The following GRIP1 variants were observed in gnomAD, a reference collection of about 807,000 sequenced individuals.
The protein encoded by GRIP1 is glutamate receptor-interacting protein 1.
A neutral mutation model predicts 129.9 loss-of-function variants in GRIP1; 45 were observed. That is an observed-to-expected ratio of 0.35 (90% confidence interval 0.27 to 0.44). The LOEUF (loss-of-function observed/expected upper bound fraction) is 0.44, where lower values mean the gene tolerates loss of function less well. GRIP1 is among the 20% of genes least tolerant of loss of function. GRIP1 has a pLI of 1.00. For synonymous variants in GRIP1, 530 were observed against 520.8 expected (o/e 1.02, Z -0.24); for missense variants, 1,196 against 1,396.8 (o/e 0.86, Z 2.29).
rs1050440074 is a variant in GRIP1, at chr12:66,761,043, C to T, written c.-420+43010G>A. Reference sequence around the variant, plus strand: ...TTACTAGTCCATGCCTCTCAACTGACTTCGCAAAATGGTCTCTGCTTTCTT... The same window carrying T: ...TTACTAGTCCATGCCTCTCAACTGATTTCGCAAAATGGTCTCTGCTTTCTT... On this transcript the variant is annotated intron_variant, in intron 1 of 4. Coordinates refer to the GRIP1 transcript ENST00000538373. Among the ~76,000 whole-genome samples, 68 of 152,056 alleles carry T rather than the reference C, an allele frequency of 4.5e-4. 2 individuals are homozygous for T. Among genetic ancestry groups the T allele is most frequent in the Non-Finnish European group, 1.5e-4 (10 of 68,030 alleles).
chr12:66,998,506 A>G (rs1192693973), intron 1 of GRIP1, among the ~76,000 whole-genome samples: 1 of 152,136 alleles, frequency 6.6e-6, no homozygotes, highest in Non-Finnish European at 1.5e-5. Flanking sequence ...ACAAATGGGC[A>G]CTAAGAATTG....
At chr12:66,523,720 A>G (rs1282217671) in intron 5 of GRIP1, among the ~76,000 whole-genome samples, 1 of 152,216 alleles carries the variant, frequency 6.6e-6, no homozygotes, top group Admixed American at 6.5e-5. Flanking sequence ...TCCAATTAGA[A>G]GACACAGACT....
intron 1 of GRIP1, among the ~76,000 whole-genome samples, chr12:66,961,232 C>T (rs1450156851): frequency 6.6e-6 from 1 of 151,580 alleles, no homozygotes; most frequent in Non-Finnish European, 1.5e-5. Context: ...GAGGAGCAAA[C>T]AAAACAGGGA....
intron 1 of GRIP1, among the ~76,000 whole-genome samples, chr12:66,720,774 G>T (rs544144495): frequency 6.6e-6 from 1 of 152,100 alleles, no homozygotes; most frequent in East Asian, 1.9e-4. Context: ...TAATTCTCTT[G>T]TTATTTCCAC....
intron 1 of GRIP1, among the ~76,000 whole-genome samples, chr12:67,000,650 G>C (rs538831747): frequency 1.3e-5 from 2 of 152,146 alleles, no homozygotes; most frequent in Non-Finnish European, 2.9e-5. Context: ...AGTTCATTAG[G>C]ATACTTCAAC....
At chr12:66,889,499 G>A (rs1198803003) in intron 1 of GRIP1, among the ~76,000 whole-genome samples, 1 of 152,100 alleles carries the variant, frequency 6.6e-6, no homozygotes, top group Non-Finnish European at 1.5e-5. Context: ...AAGACTTTTG[G>A]AGAACTATAA....
chr12:66,419,562 A>C (rs946102970), intron 15 of GRIP1, among the ~76,000 whole-genome samples: 1 of 152,220 alleles, frequency 6.6e-6, no homozygotes, highest in Non-Finnish European at 1.5e-5. Context: ...CTTGTATCCC[A>C]TAAGTATATA....
intron 1 of GRIP1, among the ~76,000 whole-genome samples, chr12:66,867,483 G>A (rs978841927): frequency 6.6e-6 from 1 of 152,122 alleles, no homozygotes; most frequent in Admixed American, 6.6e-5. Context: ...CAGGCAAAGT[G>A]TAGGCAAGGG....
intron 4 of GRIP1, among the ~76,000 whole-genome samples, chr12:66,533,420 T>C (rs1054338417): frequency 2.6e-5 from 4 of 151,558 alleles, no homozygotes; most frequent in African/African-American, 9.7e-5. Context: ...CTGAGGCAGG[T>C]GATCACCTGA....
intron 1 of GRIP1, among the ~76,000 whole-genome samples, chr12:66,761,864 G>T (rs2037486088): frequency 6.6e-6 from 1 of 152,160 alleles, no homozygotes; most frequent in Non-Finnish European, 1.5e-5. Context: ...AACAAATGTG[G>T]TGCAGCAAGG....
chr12:66,967,517 A>G (rs928668182), intron 1 of GRIP1, among the ~76,000 whole-genome samples: 1 of 152,106 alleles, frequency 6.6e-6, no homozygotes, highest in Non-Finnish European at 1.5e-5. Context: ...ACAATTTTTT[A>G]TAAGTTATAT....
chr12:66,827,387 T>TGTGTGTGTGTGTGAGAGAGAGA (rs755458052), intron 1 of GRIP1, among the ~76,000 whole-genome samples: 24 of 108,294 alleles, frequency 2.2e-4, no homozygotes, highest in East Asian at 7.2e-4. Context: ...TGTGTGTGTG[T>TGTGTGTGTGTGTGAGAGAGAGA]GAGAGAGAGA....
chr12:66,424,801 T>C (rs2137882512), intron 14 of GRIP1, among the ~76,000 whole-genome samples: 1 of 152,338 alleles, frequency 6.6e-6, no homozygotes, highest in Non-Finnish European at 1.5e-5. Flanking sequence ...TTTCCCAGGA[T>C]ATATAAATCT....
At chr12:67,055,979 G>C (rs1450337793) in intron 1 of GRIP1, among the ~76,000 whole-genome samples, 2 of 152,118 alleles carry the variant, frequency 1.3e-5, no homozygotes, top group African/African-American at 4.8e-5. Flanking sequence ...TGTCTAAGGG[G>C]GAGCTAAGTT....
At chr12:66,515,038 T>C (rs957730273) in intron 7 of GRIP1, among the ~76,000 whole-genome samples, 5 of 152,138 alleles carry the variant, frequency 3.3e-5, no homozygotes, top group African/African-American at 4.8e-5. Context: ...GGTTTTACTA[T>C]AGGTATGAGT....
intron 1 of GRIP1, among the ~76,000 whole-genome samples, chr12:66,882,069 T>C (rs1412805163): frequency 6.6e-6 from 1 of 152,046 alleles, no homozygotes; most frequent in Admixed American, 6.6e-5. Flanking sequence ...TTCCCTCCCA[T>C]CTCCATCTTT....
chr12:66,760,076 G>A (rs1036188748), intron 1 of GRIP1, among the ~76,000 whole-genome samples: 4 of 152,016 alleles, frequency 2.6e-5, no homozygotes, highest in Non-Finnish European at 5.9e-5. Context: ...GGATGGTCTC[G>A]ATCTCCTGAC....
At chr12:66,886,334 G>A (rs571438419) in intron 1 of GRIP1, among the ~76,000 whole-genome samples, 5 of 152,098 alleles carry the variant, frequency 3.3e-5, no homozygotes, top group Admixed American at 1.3e-4. Flanking sequence ...AAATGCTCAT[G>A]AGAAACATAA....
intron 7 of GRIP1, among the ~76,000 whole-genome samples, chr12:66,478,157 C>A (rs1485005038): frequency 6.6e-6 from 1 of 152,106 alleles, no homozygotes; most frequent in Non-Finnish European, 1.5e-5. Context: ...TCCTAATCTA[C>A]AAAGAACTCA....
Sources: allele counts gnomAD v4.1 joint callset (sites outside exome capture counted in the v4.1 genomes callset), GRCh38; gene constraint gnomAD v4.1.1; transcripts MANE v1.5; gene names NCBI Gene and HGNC (gene_info 2026-07-23, HGNC 2026-07-21).